KCNMA1: variants seen among roughly 807,000 people sequenced by gnomAD.
KCNMA1 encodes the protein potassium calcium-activated channel subfamily M alpha 1, also known as Calcium-activated potassium channel subunit alpha-1.
Under a neutral mutation model 140.0 loss-of-function variants are expected in KCNMA1, and 29 were observed. The ratio of observed to expected loss-of-function variants is 0.21; its 90% CI spans 0.15 to 0.28. KCNMA1 has a LOEUF of 0.28. Ranked by LOEUF, KCNMA1 falls within the 10% of genes least tolerant of loss-of-function variation. The pLI is 1.00. For synonymous variants in KCNMA1, 612 were observed against 611.9 expected (o/e 1.00, Z 0.00); for missense variants, 880 against 1,602.2 (o/e 0.55, Z 7.70).
chr10:77,082,742 A>C (rs1324759384), intron 12 of KCNMA1, among the ~76,000 whole-genome samples: 1 of 152,152 alleles, frequency 6.6e-6, no homozygotes, highest in African/African-American at 2.4e-5. Flanking sequence ...AATCTGTTCC[A>C]CCCTCTCTCT....
Position 76,910,109 on chromosome 10 carries a change from T to C in KCNMA1, c.3017-13A>G. 6.2e-7 allele frequency: 1 copy of C among 1,613,586 alleles called. No individual in the cohort carries two copies. Among genetic ancestry groups the C allele is most frequent in the Non-Finnish European group, 8.5e-7 (1 of 1,179,712 alleles). ...TTAGTATCGTTCACTAGAAAAAGCA[T>C]AAAATAAGAATTAGCTCTGAAGACC... On this transcript the variant is annotated splice_polypyrimidine_tract_variant and intron_variant, in intron 24 of 27. Coordinates refer to ENST00000286628, the MANE Select transcript of KCNMA1 (RefSeq NM_001161352.2).
intron 1 of KCNMA1, among the ~76,000 whole-genome samples, chr10:77,548,414 G>A (rs2061957591): frequency 6.6e-6 from 1 of 152,172 alleles, no homozygotes. Context: ...GCAGACAGAA[G>A]GCTTCTCCAA....
chr10:77,343,568 C>T (rs939505367), intron 2 of KCNMA1, among the ~76,000 whole-genome samples: 2 of 152,072 alleles, frequency 1.3e-5, no homozygotes, highest in East Asian at 1.9e-4. Flanking sequence ...GCACCCCTTT[C>T]AACCAGATAC....
At chr10:77,530,631 C>A (rs940524115) in intron 1 of KCNMA1, among the ~76,000 whole-genome samples, 1 of 152,162 alleles carries the variant, frequency 6.6e-6, no homozygotes, top group South Asian at 2.1e-4. Context: ...ACCAATGCCC[C>A]AAACATTCCT....
intron 6 of KCNMA1, among the ~76,000 whole-genome samples, chr10:77,118,738 T>C (rs1472731176): frequency 6.6e-6 from 1 of 152,146 alleles, no homozygotes; most frequent in African/African-American, 2.4e-5. Flanking sequence ...GCTTAGTTAC[T>C]CCCCTCTCAA....
At chr10:76,922,383 G>A (rs1487036758) in intron 23 of KCNMA1, among the ~76,000 whole-genome samples, 1 of 152,128 alleles carries the variant, frequency 6.6e-6, no homozygotes, top group Non-Finnish European at 1.5e-5. Context: ...CCATTCCACA[G>A]TGTTTGTTGG....
At chr10:76,963,326 T>G (rs948120694) in intron 20 of KCNMA1, among the ~76,000 whole-genome samples, 5 of 152,288 alleles carry the variant, frequency 3.3e-5, no homozygotes, top group African/African-American at 1.2e-4. Context: ...CCAGGCCAGA[T>G]CTGCTGAATT....
Position 76,940,987 on chromosome 10 carries a change from AAG to A in KCNMA1, c.2902+3784_2902+3785del, listed in dbSNP as rs201391957. Among the ~76,000 whole-genome samples the A allele has an allele frequency of 1.0e-3, 138 of 131,768 alleles. 4 individuals are homozygous for A. Among genetic ancestry groups the A allele is most frequent in the African/African-American group, 4.4e-3 (135 of 30,614 alleles). 86.4% of individuals were successfully genotyped at this position (131,768 alleles called of 152,430 possible). A position where few individuals can be genotyped will look rare whatever the true frequency, so the allele number is the denominator to read the frequency against. On this transcript the variant is annotated intron_variant, in intron 23 of 27. Coordinates refer to ENST00000286628, the MANE Select transcript of KCNMA1 (RefSeq NM_001161352.2). ...AAAGAAAGAAAGAAAGAAAGAGAGAAAGAGAGAAAGAAAGGAAGGAAGGAAGG... is the reference window on the plus strand; with the variant it reads ...AAAGAAAGAAAGAAAGAAAGAGAGAAAGAGAAAGAAAGGAAGGAAGGAAGG...
At chr10:77,607,271 A>G (rs2084888112) in intron 1 of KCNMA1, among the ~76,000 whole-genome samples, 1 of 152,184 alleles carries the variant, frequency 6.6e-6, no homozygotes, top group African/African-American at 2.4e-5. Flanking sequence ...GTGCCAGCTG[A>G]CGGACTAGAC....
intron 1 of KCNMA1, among the ~76,000 whole-genome samples, chr10:77,419,355 G>A (rs1419661347): frequency 6.6e-6 from 1 of 152,174 alleles, no homozygotes; most frequent in Non-Finnish European, 1.5e-5. Context: ...CCTTAGCACT[G>A]ACAGGGATGG....
intron 2 of KCNMA1, among the ~76,000 whole-genome samples, chr10:77,358,199 TCC>T (rs1365639197): frequency 2.0e-5 from 3 of 152,010 alleles, no homozygotes; most frequent in Non-Finnish European, 4.4e-5. Context: ...ACAGAACTGG[TCC>T]TCTCTCTCCG....
intron 5 of KCNMA1, among the ~76,000 whole-genome samples, chr10:77,153,608 G>A (rs74373885): frequency 0.011 from 1,630 of 152,214 alleles, 32 homozygotes; most frequent in African/African-American, 0.037. Flanking sequence ...ACAAGCTCAA[G>A]CACCTTGGCC....
intron 3 of KCNMA1, among the ~76,000 whole-genome samples, chr10:77,236,113 C>A (rs2055345527): frequency 6.6e-6 from 1 of 152,142 alleles, no homozygotes. Context: ...TTTACATGAT[C>A]CAGTCCCAGT....
chr10:77,275,216 C>G (rs1295884904), intron 2 of KCNMA1, among the ~76,000 whole-genome samples: 1 of 152,130 alleles, frequency 6.6e-6, no homozygotes, highest in African/African-American at 2.4e-5. Context: ...AAAGCACAAC[C>G]CTGAGCTTCA....
At chr10:77,582,590 T>C (rs1263542873) in intron 1 of KCNMA1, among the ~76,000 whole-genome samples, 1 of 152,154 alleles carries the variant, frequency 6.6e-6, no homozygotes, top group African/African-American at 2.4e-5. Flanking sequence ...TTTTAAAAAA[T>C]GTTCATTCCC....
intron 5 of KCNMA1, among the ~76,000 whole-genome samples, chr10:77,146,622 A>C (rs1233750830): frequency 1.4e-5 from 2 of 147,054 alleles, no homozygotes; most frequent in Admixed American, 7.1e-5. Flanking sequence ...GAATCACTTG[A>C]ACCCAGGAGG....
chr10:77,377,821 T>A (rs1457952594), intron 2 of KCNMA1, among the ~76,000 whole-genome samples: 1 of 152,148 alleles, frequency 6.6e-6, no homozygotes, highest in Non-Finnish European at 1.5e-5. Flanking sequence ...TGAGCCCGAG[T>A]TCCCTCCTGT....
intron 3 of KCNMA1, among the ~76,000 whole-genome samples, chr10:77,242,304 A>C (rs924600779): frequency 2.6e-5 from 4 of 152,186 alleles, no homozygotes; most frequent in African/African-American, 9.7e-5. Context: ...AAGCATTCTC[A>C]ATCCCTAATC....
intron 20 of KCNMA1, among the ~76,000 whole-genome samples, chr10:76,955,965 G>A (rs1306574664): frequency 1.3e-5 from 2 of 152,168 alleles, no homozygotes; most frequent in Non-Finnish European, 2.9e-5. Context: ...TGGAGAGAAA[G>A]TATTACCTCA....
Sources: allele counts gnomAD v4.1 joint callset (sites outside exome capture counted in the v4.1 genomes callset), GRCh38; gene constraint gnomAD v4.1.1; transcripts MANE v1.5; gene names NCBI Gene and HGNC (gene_info 2026-07-23, HGNC 2026-07-21).